The following MYH4 variants were observed in gnomAD, a reference collection of about 807,000 sequenced individuals.
MYH4 encodes myosin heavy chain 4.
A neutral mutation model predicts 229.9 loss-of-function variants in MYH4; 200 were observed. The ratio of observed to expected loss-of-function variants is 0.87; its 90% CI spans 0.78 to 0.98. The LOEUF (loss-of-function observed/expected upper bound fraction) is 0.98. Ranked by LOEUF, MYH4 falls within the 50% of genes least tolerant of loss-of-function variation. The pLI, the probability that MYH4 is intolerant of heterozygous loss-of-function variation, is 0.00. For synonymous variants in MYH4, 761 were observed against 834.6 expected, an observed-to-expected ratio of 0.91 and a Z score of 1.52; for missense variants, 2,148 against 2,332.6, an observed-to-expected ratio of 0.92 and a Z score of 1.63.
At chr17:10,451,531 T>A in intron 27 of MYH4, 79 bp from the exon 28 acceptor site, 2 of 1,452,166 alleles carry the variant, frequency 1.4e-6, no homozygotes, top group Non-Finnish European at 1.9e-6. Context: ...TGTAACTACC[T>A]GTGGAAAGGG....
Position 10,452,003 on chromosome 17 carries a change from T to C in MYH4, c.3676A>G (p.Ser1226Gly), listed in dbSNP as rs752710387. 1.2e-6 allele frequency: 2 copies of C among 1,613,872 alleles called. No individual in the cohort carries two copies. The highest frequency in any genetic ancestry group is 1.7e-6 in the Non-Finnish European group (2 of 1,179,860). Residue 1226 changes from serine (S) to glycine (G), a missense_variant, in exon 27 of 40, where the codon AGT becomes GGT. Ser to Gly is a moderately conservative substitution (Grantham distance 56). Coordinates refer to ENST00000255381, the MANE Select transcript of MYH4 (RefSeq NM_017533.2). The stretch of plus-strand genomic sequence containing the variant: ...TCATTGATCTCCATCTTCAGCTCAC[T>C]CTTTTCCTTCTCCAGCTTCTGCTTG... ...RVKQKLEKEK[S>G]ELKMEINDLA... is the part of the protein sequence containing the mutation.
rs2072624890 is a variant in MYH4, at chr17:10,455,162, C to T, written c.2298+10G>A. ...GAATTATGACAGATAGAAATTTGGA[C>T]TGGTGATACCTTGGTATGACCGAAT... On this transcript the variant is annotated intron_variant, in intron 20 of 39. Coordinates refer to ENST00000255381, the MANE Select transcript of MYH4 (RefSeq NM_017533.2). 3.1e-6 allele frequency: 5 copies of T among 1,614,008 alleles called. No individual in the cohort carries two copies. Among genetic ancestry groups the T allele is most frequent in the Non-Finnish European group, 4.2e-6 (5 of 1,180,000 alleles).
At chr17:10,453,571 A>C (rs1242835931) in intron 23 of MYH4, 72 bp downstream of exon 23, 1 of 1,606,684 alleles carries the variant, frequency 6.2e-7, no homozygotes, top group African/African-American at 1.3e-5. Context: ...TCATCTTAAG[A>C]TTAAATTTTT....
intron 11 of MYH4, among the ~76,000 whole-genome samples, chr17:10,462,033 G>A (rs1056242717): frequency 1.3e-5 from 2 of 152,088 alleles, no homozygotes; most frequent in South Asian, 4.2e-4. Context: ...ATAATAATAA[G>A]TTATAGAGAG....
intron 35 of MYH4, among the ~76,000 whole-genome samples, chr17:10,446,580 A>G (rs1450778496): frequency 6.6e-6 from 1 of 152,204 alleles, no homozygotes; most frequent in Non-Finnish European, 1.5e-5. Context: ...AATGGCCTCC[A>G]TGAATTTGAA....
At chr17:10,453,027 A>G in intron 24 of MYH4, 95 bp from the exon 25 acceptor site, 1 of 1,584,776 alleles carries the variant, frequency 6.3e-7, no homozygotes. Flanking sequence ...ATTTAAAGAT[A>G]CAACAAATAG....
intron 34 of MYH4, 27 bp downstream of exon 34, chr17:10,447,791 A>G (rs1343058393): frequency 8.9e-6 from 14 of 1,579,158 alleles, no homozygotes; most frequent in Non-Finnish European, 1.1e-5. Flanking sequence ...AGACTGTACA[A>G]CACTATGTGT....
In MYH4 at chr17:10,447,949, T is replaced by A; in HGVS notation, c.4834A>T (p.Arg1612Ter). The change falls in exon 34 of 40, where the codon AGA (arginine) becomes TGA (stop). Residue 1612 changes from arginine (R) to a stop codon, truncating the protein, a stop_gained. Transcript: ENST00000255381. LOFTEE classifies it high-confidence loss of function. ...TTCTTGATCCTCAGAGCATCATTTC[T>A]GCTCCTGATCTCAGCATCCAGTGTA... ...QSTLDAEIRS[R>*]NDALRIKKKM... 1 of 1,614,064 alleles carries A rather than the reference T, an allele frequency of 6.2e-7. No individual in the cohort carries two copies. Among genetic ancestry groups the A allele is most frequent in the Non-Finnish European group, 8.5e-7 (1 of 1,179,988 alleles).
intron 2 of MYH4, among the ~76,000 whole-genome samples, chr17:10,467,892 G>T (rs1212395412): frequency 6.6e-6 from 1 of 152,198 alleles, no homozygotes; most frequent in Non-Finnish European, 1.5e-5. Context: ...GAGCAGAAGT[G>T]TCTTGGTTGC....
intron 28 of MYH4, 97 bp from the exon 29 acceptor site, chr17:10,450,992 T>C (rs1440958264): frequency 9.4e-7 from 1 of 1,059,414 alleles, no homozygotes; most frequent in Non-Finnish European, 1.4e-6. Context: ...TTTCATATGA[T>C]GAAAAAACCC....
intron 11 of MYH4, among the ~76,000 whole-genome samples, chr17:10,461,959 AT>A (rs886580256): frequency 7.2e-5 from 11 of 152,294 alleles, no homozygotes; most frequent in African/African-American, 2.6e-4. Context: ...AGACTGCTAC[AT>A]TTTTTTAACC....
chr17:10,448,042 C>A lies in MYH4; in HGVS notation c.4741G>T (p.Ala1581Ser). The change falls in exon 34 of 40, where the codon GCT becomes TCT. Residue 1581 changes from alanine (A) to serine (S), a missense_variant. By Grantham distance (99) the Ala-to-Ser change is moderately conservative. Coordinates refer to ENST00000255381, the MANE Select transcript of MYH4 (RefSeq NM_017533.2). ...QVKSEIDRKI[A>S]EKDEELDQLK... The stretch of plus-strand genomic sequence containing the variant: ...TGATCGAGTTCTTCATCTTTTTCAG[C>A]AATTTTTCGGTCAATCTCAGATTTC... 1.9e-6 allele frequency: 3 copies of A among 1,614,022 alleles called. No individual in the cohort carries two copies. Among genetic ancestry groups the A allele is most frequent in the Non-Finnish European group, 2.5e-6 (3 of 1,179,986 alleles).
intron 30 of MYH4, among the ~76,000 whole-genome samples, chr17:10,450,062 A>G (rs893099825): frequency 3.3e-5 from 5 of 152,122 alleles, no homozygotes; most frequent in Admixed American, 1.3e-4. Flanking sequence ...AACATTCAAT[A>G]CTCCATCTGA....
At position 10,461,125 on chromosome 17, in the gene MYH4, T is replaced by A; in HGVS notation, c.1009-71A>T. The A allele has an allele frequency of 2.6e-6, 4 of 1,558,796 alleles. No individual in the cohort carries two copies. The East Asian group carries it at 9.0e-5, about 35-fold the overall frequency. ...AGAATCCCTCAGAACACCGGGGCTG[T>A]CTCCCACTTTTTTCTCATCACGCCT... On this transcript the variant is annotated intron_variant, in intron 11 of 39. Coordinates refer to ENST00000255381, the MANE Select transcript of MYH4 (RefSeq NM_017533.2).
chr17:10,464,457 G>A lies in MYH4; in HGVS notation c.648+15C>T. The A allele has an allele frequency of 1.2e-6, 2 of 1,602,508 alleles. No homozygotes were observed. The highest frequency in any genetic ancestry group is 2.2e-5 in the East Asian group (1 of 44,800). ...AAAATCTGTTATTCTGTCCTTAGAT[G>A]AATATCATGCCCACCTGCATTTTGC... On this transcript the variant is annotated intron_variant, in intron 7 of 39. Coordinates refer to ENST00000255381, the MANE Select transcript of MYH4 (RefSeq NM_017533.2).
chr17:10,456,525 T>C lies in MYH4; in HGVS notation c.1928A>G (p.Lys643Arg), dbSNP rs1343851208. ...EGGGGKKGGK[K>R]KGSSFQTVSA... ...CACTGTCTGGAAAGAAGAACCCTTC[T>C]TTTTGCCACCTTTCTTTCCACCACC... Residue 643 changes from lysine (K) to arginine (R), a missense_variant, in exon 17 of 40, where the codon AAG becomes AGG. By Grantham distance (26) the Lys-to-Arg change is conservative. Coordinates refer to ENST00000255381, the MANE Select transcript of MYH4 (RefSeq NM_017533.2). 1 of 1,614,006 alleles carries C rather than the reference T, an allele frequency of 6.2e-7. No homozygotes were observed. The highest frequency in any genetic ancestry group is 8.5e-7 in the Non-Finnish European group (1 of 1,179,934).
Position 10,463,592 on chromosome 17 carries a change from C to G in MYH4, c.700G>C (p.Gly234Arg), listed in dbSNP as rs374951585. The change falls in exon 8 of 40, where the codon GGC (glycine) becomes CGC (arginine). Residue 234 changes from glycine to arginine, a missense_variant. Physicochemically the swap from Gly to Arg is moderately radical, Grantham distance 125 (BLOSUM62 -2). Coordinates refer to ENST00000255381, the MANE Select transcript of MYH4 (RefSeq NM_017533.2). ...TCATTCCTCACGGTCTTGGCATTGC[C>G]GAAGGCTTCCAGTAGGGGGTTAGCA... ...ISANPLLEAF[G>R]NAKTVRNDNS... The G allele has an allele frequency of 6.2e-7, 1 of 1,613,854 alleles. No homozygotes were observed. The highest frequency in any genetic ancestry group is 1.7e-5 in the Admixed American group (1 of 60,010).
At chr17:10,467,157 A>G (rs1211719734) in intron 2 of MYH4, among the ~76,000 whole-genome samples, 1 of 152,078 alleles carries the variant, frequency 6.6e-6, no homozygotes, top group Non-Finnish European at 1.5e-5. Flanking sequence ...TAACATCGTG[A>G]TGATACAAAG....
intron 38 of MYH4, 29 bp from the exon 39 acceptor site, chr17:10,444,728 T>C (rs2142207214): frequency 6.2e-7 from 1 of 1,612,664 alleles, no homozygotes; most frequent in Non-Finnish European, 8.5e-7. Context: ...GATGGTGCCA[T>C]TATTTTAAAA....
Sources: gnomAD v4.1 joint callset for allele counts (sites outside exome capture counted in the v4.1 genomes callset) on GRCh38, gnomAD v4.1.1 for gene constraint, MANE v1.5 for transcripts, NCBI Gene and HGNC (gene_info 2026-07-23, HGNC 2026-07-21) for gene names.